KCNS1: variants seen among roughly 807,000 people sequenced by gnomAD.
The protein encoded by KCNS1 is delayed-rectifier potassium channel regulatory subunit KCNS1.
In KCNS1, 26 loss-of-function variants were observed where a neutral mutation model predicts 33.1. That is an observed-to-expected ratio of 0.79 (90% CI 0.58 to 1.09). The LOEUF (loss-of-function observed/expected upper bound fraction) is 1.09. KCNS1 is among the 50% of genes least tolerant of loss of function. KCNS1 has a pLI of 0.00. For missense variants in KCNS1, 702 were observed against 752.4 expected, an observed-to-expected ratio of 0.93 and a Z score of 0.78; for synonymous variants, 299 against 338.8, an observed-to-expected ratio of 0.88 and a Z score of 1.29.
chr20:45,098,251 G>C lies in KCNS1; in HGVS notation c.521C>G (p.Pro174Arg), dbSNP rs562295055. ...PHAWDEDSDT[P>R]SSVDPCPDEI... ...GTCGGGGCACGGGTCCACGCTGCTC[G>C]GCGTGTCGCTGTCCTCGTCCCAGGC... is the stretch of plus-strand genomic sequence containing the variant. The change falls in exon 3 of 4, where the codon CCG becomes CGG. Residue 174 changes from proline to arginine, a missense_variant. Around this residue, in one of 3 missense-constraint regions of KCNS1, gnomAD observed 374 missense variants for 352.3 expected, o/e 1.06. Coordinates refer to ENST00000537075, the MANE Select transcript of KCNS1 (RefSeq NM_001322799.2). This position sits in a 1 kb window ranked among gnomAD's most constrained non-coding sequence, Gnocchi z 5.2. The C allele has an allele frequency of 6.3e-6, 10 of 1,598,318 alleles. No individual in the cohort carries two copies. The African/African-American group carries it at 6.7e-5, about 11-fold the overall frequency.
In KCNS1 at chr20:45,094,919, T is replaced by G. The variant is rs1202432665; in HGVS notation, c.1532A>C (p.Asp511Ala). 1.2e-6 allele frequency: 2 copies of G among 1,613,846 alleles called. No individual in the cohort carries two copies. The highest frequency in any genetic ancestry group is 2.2e-5 in the South Asian group (2 of 91,054). ...RETSQEGQSA[D>A]LESQAPSEPP... Reference sequence around the variant, plus strand: ...CTCACTGGGGGCCTGGCTCTCTAGATCTGCAGACTGTCCCTCCTGAGAGGT... The same window carrying G: ...CTCACTGGGGGCCTGGCTCTCTAGAGCTGCAGACTGTCCCTCCTGAGAGGT... Residue 511 changes from aspartate to alanine, a missense_variant, in exon 4 of 4, where the codon GAT becomes GCT. Physicochemically the swap from Asp to Ala is moderately radical, Grantham distance 126 (BLOSUM62 -2). Around this residue, in one of 3 missense-constraint regions of KCNS1, gnomAD observed 75 missense variants for 72.7 expected, o/e 1.03. Coordinates refer to ENST00000537075, the MANE Select transcript of KCNS1 (RefSeq NM_001322799.2).
rs140591630 is a variant in KCNS1 at position 45,092,695 on chromosome 20, A to C, written c.*2175T>G. 1.5e-4 allele frequency: 23 copies of C among 152,116 alleles called. No homozygotes were observed. The highest frequency in any genetic ancestry group is 5.3e-4 in the African/African-American group (22 of 41,508). 9.4% of individuals were successfully genotyped at this position (152,116 alleles called of 1,614,324 possible). ...ATCTGGAGACCCAGAATCCATGCGT[A>C]TGTAGGGGGCCCACTATGTACTAGG... On this transcript the variant is annotated 3_prime_UTR_variant, in exon 4 of 4. Coordinates refer to ENST00000537075, the MANE Select transcript of KCNS1 (RefSeq NM_001322799.2).
intron 1 of KCNS1, 89 bp from the exon 2 acceptor site, chr20:45,099,328 C>G: frequency 2.7e-6 from 2 of 733,518 alleles, no homozygotes; most frequent in South Asian, 3.1e-5. Context: ...ACTTTGTGTT[C>G]TAACAAGATT....
At chr20:45,096,945 G>A (rs920891362) in intron 3 of KCNS1, among the ~76,000 whole-genome samples, 5 of 152,182 alleles carry the variant, frequency 3.3e-5, no homozygotes, top group Admixed American at 6.5e-5. Context: ...CACGCCGTTC[G>A]CCTTGCCTCC....
At chr20:45,097,067 G>C (rs748653741) in intron 3 of KCNS1, among the ~76,000 whole-genome samples, 2 of 152,240 alleles carry the variant, frequency 1.3e-5, no homozygotes, top group Non-Finnish European at 2.9e-5. Flanking sequence ...CTGCAACCAG[G>C]CTTTACAGAG....
In KCNS1 at chr20:45,094,857, C is replaced by T. The variant is rs759726393; in HGVS notation, c.*13G>A. 16 of 1,591,306 alleles carry T rather than the reference C, an allele frequency of 1.0e-5. No individual in the cohort carries two copies. The highest frequency in any genetic ancestry group is 1.8e-4 in the Middle Eastern group (1 of 5,666). On this transcript the variant is annotated 3_prime_UTR_variant, in exon 4 of 4. Transcript: ENST00000537075. The stretch of plus-strand genomic sequence containing the variant: ...ACTGTAGGGGCATGGCAGGGGGTCA[C>T]GGATCCCTGGTTTTAATACATCTGA...
chr20:45,094,763 T>G lies in KCNS1; in HGVS notation c.*107A>C. 2 of 912,620 alleles carry G rather than the reference T, an allele frequency of 2.2e-6. No individual in the cohort carries two copies. Among genetic ancestry groups the G allele is most frequent in the Non-Finnish European group, 3.4e-6 (2 of 584,300 alleles). The allele number at this position is 912,620 out of a possible 1,614,324, so 56.5% of individuals were successfully genotyped here. On this transcript the variant is annotated 3_prime_UTR_variant, in exon 4 of 4. Coordinates refer to ENST00000537075, the MANE Select transcript of KCNS1 (RefSeq NM_001322799.2). Reference sequence around the variant, plus strand: ...AGGAATGCAGCTTTTGAATCTCATTTCTCAGGACAGCATGAGTGATCCTGG... The same window carrying G: ...AGGAATGCAGCTTTTGAATCTCATTGCTCAGGACAGCATGAGTGATCCTGG...
chr20:45,098,966 T>C lies in KCNS1; in HGVS notation c.76+195A>G, dbSNP rs1249513647. On this transcript the variant is annotated intron_variant, in intron 2 of 3. Coordinates refer to ENST00000537075, the MANE Select transcript of KCNS1 (RefSeq NM_001322799.2). This position sits in a 1 kb window ranked among gnomAD's most constrained non-coding sequence, Gnocchi z 5.2. ...TCATTTTTCTCCTTTGGAAAGTAAA[T>C]GCTGAGATCTACCTGGAAGGATATG... Among the ~76,000 whole-genome samples, 6 of 152,140 alleles carry C rather than the reference T, an allele frequency of 3.9e-5. No homozygotes were observed. The highest frequency in any genetic ancestry group is 3.9e-4 in the Admixed American group (6 of 15,272).
rs768864485 is a variant in KCNS1, at chr20:45,095,098, G to A, written c.1353C>T (p.Leu451=). 3.7e-6 allele frequency: 6 copies of A among 1,613,920 alleles called. No individual in the cohort carries two copies. The African/African-American group carries it at 6.7e-5, about 18-fold the overall frequency. ...CILGGILVVA[L]PITIIFNKFS... ...ACTTGTTGAAGATGATGGTGATGGG[G>A]AGTGCTACCACCAGGATGCCCCCTA... The change falls in exon 4 of 4, where the codon CTC becomes CTT. Residue 451 remains leucine, a synonymous_variant. Coordinates refer to ENST00000537075, the MANE Select transcript of KCNS1 (RefSeq NM_001322799.2).
chr20:45,098,095 G>C lies in KCNS1; in HGVS notation c.677C>G (p.Ser226Cys), dbSNP rs1040845868. The change falls in exon 3 of 4, where the codon TCC (serine) becomes TGC (cysteine). Residue 226 changes from serine (S) to cysteine (C), a missense_variant. Around this residue, in one of 3 missense-constraint regions of KCNS1, gnomAD observed 374 missense variants for 352.3 expected, o/e 1.06. Coordinates refer to ENST00000537075, the MANE Select transcript of KCNS1 (RefSeq NM_001322799.2). The surrounding 1 kb of genome is among the most constrained non-coding windows in gnomAD (Gnocchi z 5.2). ...GATGGAGGCGAGCACCACGCTGATGGAGACGCAGCTGAAGAGCTTGCTCGG... is the reference window on the plus strand; with the variant it reads ...GATGGAGGCGAGCACCACGCTGATGCAGACGCAGCTGAAGAGCTTGCTCGG... ...SLPSKLFSCV[S>C]ISVVLASIAA... 5 of 1,578,818 alleles carry C rather than the reference G, an allele frequency of 3.2e-6. No homozygotes were observed. The highest frequency in any genetic ancestry group is 3.4e-6 in the Non-Finnish European group (4 of 1,163,404).
intron 1 of KCNS1, among the ~76,000 whole-genome samples, chr20:45,099,666 A>G (rs1981331399): frequency 6.6e-6 from 1 of 152,124 alleles, no homozygotes; most frequent in Non-Finnish European, 1.5e-5. Context: ...TGAGGAAGCT[A>G]TTTGTCCTCC....
In KCNS1 at chr20:45,101,103, G is replaced by C. The variant is rs1981378510; in HGVS notation, c.-186C>G. 6.6e-6 allele frequency: 1 copy of C among 152,372 alleles called. No individual in the cohort carries two copies. The highest frequency in any genetic ancestry group is 2.1e-4 in the South Asian group (1 of 4,836). 9.4% of individuals were successfully genotyped at this position (152,372 alleles called of 1,614,324 possible). A position where few individuals can be genotyped will look rare whatever the true frequency, so the allele number is the denominator to read the frequency against. On this transcript the variant is annotated 5_prime_UTR_variant, in exon 1 of 4. The change creates a new upstream start codon in the 5' untranslated region. Transcript: ENST00000537075. ...GTCCCCCGCGGCTGAAGGCCGCATC[G>C]ATCGCTGCCGGAGGAGGGAGTGAGG...
Position 45,098,235 on chromosome 20 carries a change from C to T in KCNS1, c.537G>A (p.Pro179=), listed in dbSNP as rs755943859. 6.2e-7 allele frequency: 1 copy of T among 1,601,620 alleles called. No homozygotes were observed. The highest frequency in any genetic ancestry group is 8.5e-7 in the Non-Finnish European group (1 of 1,175,426). The part of the protein sequence containing the change: ...EDSDTPSSVD[P]CPDEISDVQR... ...GCACGTCGGAGATCTCGTCGGGGCACGGGTCCACGCTGCTCGGCGTGTCGC... is the reference window on the plus strand; with the variant it reads ...GCACGTCGGAGATCTCGTCGGGGCATGGGTCCACGCTGCTCGGCGTGTCGC... Residue 179 remains proline, a synonymous_variant, in exon 3 of 4, where the codon CCG becomes CCA. Transcript: ENST00000537075. This position sits in a 1 kb window ranked among gnomAD's most constrained non-coding sequence, Gnocchi z 5.2.
At chr20:45,097,439 C>G (rs1255999239) in intron 3 of KCNS1, among the ~76,000 whole-genome samples, 3 of 152,214 alleles carry the variant, frequency 2.0e-5, no homozygotes. Context: ...CAGTTTTCTC[C>G]CCAGGAAAAA....
chr20:45,091,287 C>T lies in KCNS1; in HGVS notation c.*3583G>A, dbSNP rs1568787393. Among the ~76,000 whole-genome samples the T allele has an allele frequency of 6.6e-6, 1 of 152,186 alleles. No homozygotes were observed. The highest frequency in any genetic ancestry group is 2.4e-5 in the African/African-American group (1 of 41,440). ...AACTGCCGCAAATACTAATACGGTA[C>T]CTTGCCCTCCATCCCTCCCAAGAGA... On this transcript the variant is annotated 3_prime_UTR_variant, in exon 4 of 4. Coordinates refer to ENST00000537075, the MANE Select transcript of KCNS1 (RefSeq NM_001322799.2).
In KCNS1 at chr20:45,094,652, G is replaced by A; in HGVS notation, c.*218C>T. ...TCATGCCTGCTTCATGAATGGCTTG[G>A]AGGCAGGTTTATAAAGCTTTCTGAG... On this transcript the variant is annotated 3_prime_UTR_variant, in exon 4 of 4. Transcript: ENST00000537075. 1 of 534,640 alleles carries A rather than the reference G, an allele frequency of 1.9e-6. No individual in the cohort carries two copies. The highest frequency in any genetic ancestry group is 3.3e-6 in the Non-Finnish European group (1 of 301,354). The allele number at this position is 534,640 out of a possible 1,614,324, so 33.1% of individuals were successfully genotyped here.
At chr20:45,096,604 G>A (rs556406895) in intron 3 of KCNS1, among the ~76,000 whole-genome samples, 46 of 152,268 alleles carry the variant, frequency 3.0e-4, no homozygotes, top group African/African-American at 1.1e-3. Flanking sequence ...GTCGCATGGA[G>A]CTTTAGGAGA....
At position 45,097,995 on chromosome 20, in the gene KCNS1, CGCGGCCACCGCAGCCACG is replaced by C. The variant is rs1468654362; in HGVS notation, c.759_776del (p.Val254_Ala259del). 3.3e-6 allele frequency: 5 copies of C among 1,530,942 alleles called. No homozygotes were observed. The highest frequency in any genetic ancestry group is 3.5e-6 in the Non-Finnish European group (4 of 1,140,128). 94.8% of individuals were successfully genotyped at this position (1,530,942 alleles called of 1,614,324 possible). The stretch of plus-strand genomic sequence containing the variant: ...CGCGCACGCCTTCCGGGCTGCGGCC[CGCGGCCACCGCAGCCACG>C]GCGGCCGCCGCCTCGCGGGCCTGGT... On this transcript the variant is annotated inframe_deletion, in exon 3 of 4. Coordinates refer to ENST00000537075, the MANE Select transcript of KCNS1 (RefSeq NM_001322799.2).
chr20:45,095,776 A>AT (rs1981165979), intron 3 of KCNS1, among the ~76,000 whole-genome samples: 1 of 152,236 alleles, frequency 6.6e-6, no homozygotes, highest in Admixed American at 6.5e-5. Flanking sequence ...CTGAGAGGAC[A>AT]TAAGTCCCCT....
Sources: allele counts gnomAD v4.1 joint callset (sites outside exome capture counted in the v4.1 genomes callset), GRCh38; gene constraint gnomAD v4.1.1; regional missense constraint gnomAD v4.1.1; non-coding constraint Gnocchi (gnomAD v3.1); transcripts MANE v1.5; gene names NCBI Gene and HGNC (gene_info 2026-07-23, HGNC 2026-07-21).